BCL9: variants seen among roughly 807,000 people sequenced by gnomAD.
BCL9 encodes the protein B-cell CLL/lymphoma 9 protein.
Under a neutral mutation model 88.5 loss-of-function variants are expected in BCL9, and 25 were observed. The ratio of observed to expected loss-of-function variants is 0.28; its 90% confidence interval spans 0.21 to 0.39. The LOEUF (loss-of-function observed/expected upper bound fraction) is 0.39. Among genes scored for constraint, BCL9 ranks in the 10% least tolerant of loss-of-function variants. The pLI is 1.00. For missense variants in BCL9, 1,817 were observed against 1,877.8 expected (o/e 0.97, Z 0.60); for synonymous variants, 711 against 673.3 (o/e 1.06, Z -0.87).
In BCL9 at chr1:147,618,925, C is replaced by T. The variant is rs782199834; in HGVS notation, c.770C>T (p.Thr257Ile). 10 of 1,613,892 alleles carry T rather than the reference C, an allele frequency of 6.2e-6. No homozygotes were observed. Among genetic ancestry groups the T allele is most frequent in the Non-Finnish European group, 8.5e-6 (10 of 1,179,928 alleles). Residue 257 changes from threonine to isoleucine, a missense_variant, in exon 8 of 10, where the codon ACT (threonine) becomes ATT (isoleucine). Thr to Ile is a moderately conservative substitution (Grantham distance 89). This residue lies in a region of BCL9 where 1,228 missense variants were observed against 1,191.6 expected (regional missense o/e 1.03). Transcript: ENST00000234739. ...NSSQNTRLQP[T>I]PPIPAPAPKP... ...TCCCAGAATACCAGACTGCAGCCAA[C>T]TCCACCCATTCCGGCACCAGCACCC...
At chr1:147,552,755 C>A (rs782591305) in intron 1 of BCL9, among the ~76,000 whole-genome samples, 22 of 152,178 alleles carry the variant, frequency 1.4e-4, no homozygotes, top group Non-Finnish European at 2.9e-4. Context: ...ACCCAGAGTT[C>A]TGTTGAAGGA....
chr1:147,547,959 C>A (rs1248856480), intron 1 of BCL9, among the ~76,000 whole-genome samples: 1 of 152,138 alleles, frequency 6.6e-6, no homozygotes, highest in Non-Finnish European at 1.5e-5. Flanking sequence ...ATTCAAAATG[C>A]CTTCAGTTTA....
rs147875148 is a variant in BCL9, at chr1:147,589,237, T to G, written c.-477-15540T>G. 2.6e-4 allele frequency among the ~76,000 whole-genome samples: 40 copies of G among 152,332 alleles called. 1 individual carries two copies. The East Asian group carries it at 7.5e-3, about 29-fold the overall frequency. On this transcript the variant is annotated intron_variant, in intron 1 of 9. Coordinates refer to ENST00000234739, the MANE Select transcript of BCL9 (RefSeq NM_004326.4). ...TGCACCTCCAGCCTGTCCTCTCACC[T>G]GGCAAGACATCTCCGTTTTGGTGTT... is the stretch of plus-strand genomic sequence containing the variant.
intron 1 of BCL9, among the ~76,000 whole-genome samples, chr1:147,569,678 A>AG (rs1193227436): frequency 4.6e-5 from 7 of 150,686 alleles, no homozygotes; most frequent in Middle Eastern, 3.4e-3. Context: ...AAGAAGAAAA[A>AG]AGAAATCATT....
rs587635224 is a variant in BCL9 at position 147,621,363 on chromosome 1, A to G, written c.2902+306A>G. ...AACAAATGCAATAAAATGTCTTAAC[A>G]GTGGATGAATGTGGCTTCTTTAAAT... On this transcript the variant is annotated intron_variant, in intron 8 of 9. Coordinates refer to ENST00000234739, the MANE Select transcript of BCL9 (RefSeq NM_004326.4). 1.4e-3 allele frequency among the ~76,000 whole-genome samples: 216 copies of G among 152,346 alleles called. 2 individuals are homozygous for G. The highest frequency in any genetic ancestry group is 5.0e-3 in the African/African-American group (209 of 41,590).
At chr1:147,612,338 C>T (rs1553202725) in intron 4 of BCL9, among the ~76,000 whole-genome samples, 2 of 152,152 alleles carry the variant, frequency 1.3e-5, no homozygotes, top group Non-Finnish European at 2.9e-5. Flanking sequence ...GTCCTCACTC[C>T]CTGAGGGCAG....
At position 147,569,526 on chromosome 1, in the gene BCL9, C is replaced by T. The variant is rs117564685; in HGVS notation, c.-478+27852C>T. On this transcript the variant is annotated intron_variant, in intron 1 of 9. Transcript: ENST00000234739. ...TCAGCCAGGTGTGGTGGCATGTGCC[C>T]GTAATCCTAACTACACAGGAGGCTG... 3.0e-3 allele frequency among the ~76,000 whole-genome samples: 453 copies of T among 151,022 alleles called. 10 individuals carry two copies. In the East Asian group the frequency reaches 0.057, roughly 19 times the overall value.
chr1:147,621,153 CAG>C, intron 8 of BCL9, 96 bp downstream of exon 8: 1 of 1,297,502 alleles, frequency 7.7e-7, no homozygotes, highest in Non-Finnish European at 1.0e-6. Context: ...AGTACACAGA[CAG>C]AGGAGGCAGT....
chr1:147,553,585 G>A (rs868932801), intron 1 of BCL9, among the ~76,000 whole-genome samples: 2 of 152,182 alleles, frequency 1.3e-5, no homozygotes, highest in Non-Finnish European at 2.9e-5. Flanking sequence ...TGTGCTCAGA[G>A]ATGTTTATTG....
chr1:147,620,306 G>C lies in BCL9; in HGVS notation c.2151G>C (p.Lys717Asn). 6.2e-7 allele frequency: 1 copy of C among 1,614,186 alleles called. No homozygotes were observed. The highest frequency in any genetic ancestry group is 8.5e-7 in the Non-Finnish European group (1 of 1,180,042). Residue 717 changes from lysine to asparagine, a missense_variant, in exon 8 of 10, where the codon AAG (lysine) becomes AAC (asparagine). By Grantham distance (94) the Lys-to-Asn change is moderately conservative. Transcript: ENST00000234739. ...TTGGGATGGTTCCTAGTGGGATGAA[G>C]GGAGATGTCAATCTAAATGTCAACA... is the stretch of plus-strand genomic sequence containing the variant. ...LEFGMVPSGMKGDVNLNVNMG... is the reference protein window; with the variant it reads ...LEFGMVPSGMNGDVNLNVNMG...
intron 1 of BCL9, among the ~76,000 whole-genome samples, chr1:147,599,986 G>A (rs1208569406): frequency 6.6e-6 from 1 of 151,282 alleles, no homozygotes; most frequent in Non-Finnish European, 1.5e-5. Flanking sequence ...GGGCGGTCCC[G>A]GTTCCCCGCG....
rs1323923125 is a variant in BCL9 at position 147,625,359 on chromosome 1, T to G, written c.*400T>G. On this transcript the variant is annotated 3_prime_UTR_variant, in exon 10 of 10. Coordinates refer to ENST00000234739, the MANE Select transcript of BCL9 (RefSeq NM_004326.4). ...TTGTTTTTTTGATTTGGGCTTTATT[T>G]TTTTCTGTGTACTGTACTATATTGT... 1 of 258,702 alleles carries G rather than the reference T, an allele frequency of 3.9e-6. No homozygotes were observed. The highest frequency in any genetic ancestry group is 7.5e-6 in the Non-Finnish European group (1 of 132,626). 16.0% of individuals were successfully genotyped at this position (258,702 alleles called of 1,614,324 possible).
rs1167827926 is a variant in BCL9, at chr1:147,620,234, T to C, written c.2079T>C (p.Phe693=). 1.9e-6 allele frequency: 3 copies of C among 1,613,998 alleles called. No individual in the cohort carries two copies. The African/African-American group carries it at 4.0e-5, about 22-fold the overall frequency. ...CTCTGAGTCCTTCTAGGGGTGACTT[T>C]CCAAAAGGAATTCCCCCACAGATGG... is the stretch of plus-strand genomic sequence containing the variant. ...EGPLSPSRGD[F]PKGIPPQMGP... Residue 693 remains phenylalanine (F), a synonymous_variant, in exon 8 of 10, where the codon TTT becomes TTC. Coordinates refer to ENST00000234739, the MANE Select transcript of BCL9 (RefSeq NM_004326.4).
rs781836474 is a variant in BCL9 at position 147,619,563 on chromosome 1, A to G, written c.1408A>G (p.Ile470Val). 1 of 1,614,096 alleles carries G rather than the reference A, an allele frequency of 6.2e-7. No individual in the cohort carries two copies. Among genetic ancestry groups the G allele is most frequent in the Non-Finnish European group, 8.5e-7 (1 of 1,180,018 alleles). Reference sequence around the variant, plus strand: ...CCTTGACCATATGACTCCCGAGCAGATAGCGTGGCTGAAACTGCAGCAGGA... The same window carrying G: ...CCTTGACCATATGACTCCCGAGCAGGTAGCGTGGCTGAAACTGCAGCAGGA... ...DHLDHMTPEQ[I>V]AWLKLQQEFY... The change falls in exon 8 of 10, where the codon ATA becomes GTA. Residue 470 changes from isoleucine to valine, a missense_variant. By Grantham distance (29) the Ile-to-Val change is conservative (BLOSUM62 3). Coordinates refer to ENST00000234739, the MANE Select transcript of BCL9 (RefSeq NM_004326.4). This position sits in a 1 kb window ranked among gnomAD's most constrained non-coding sequence, Gnocchi z 4.1.
intron 1 of BCL9, among the ~76,000 whole-genome samples, chr1:147,544,553 G>A (rs1382365500): frequency 2.0e-5 from 3 of 152,184 alleles, no homozygotes; most frequent in African/African-American, 7.2e-5. Context: ...CATGTTGACC[G>A]TGGTTAGTGA....
intron 1 of BCL9, among the ~76,000 whole-genome samples, chr1:147,572,840 A>G (rs904355851): frequency 7.9e-5 from 12 of 152,210 alleles, no homozygotes; most frequent in Admixed American, 7.2e-4. Flanking sequence ...TCGGCCTCCC[A>G]GACTGCTGGG....
At chr1:147,555,282 C>G (rs955678065) in intron 1 of BCL9, among the ~76,000 whole-genome samples, 17 of 152,232 alleles carry the variant, frequency 1.1e-4, no homozygotes, top group African/African-American at 4.1e-4. Context: ...ATACTGATTT[C>G]TCCCCTGGGA....
intron 1 of BCL9, among the ~76,000 whole-genome samples, chr1:147,597,848 T>G (rs1052766435): frequency 1.3e-5 from 2 of 152,250 alleles, no homozygotes; most frequent in African/African-American, 4.8e-5. Flanking sequence ...TTAATATTCA[T>G]TTGCATTTTT....
chr1:147,612,461 A>G (rs587738034), intron 4 of BCL9, among the ~76,000 whole-genome samples: 2 of 152,160 alleles, frequency 1.3e-5, no homozygotes, highest in East Asian at 1.9e-4. Flanking sequence ...ACCAGCTTGC[A>G]TTTTCCAGCA....
Sources: allele counts gnomAD v4.1 joint callset (sites outside exome capture counted in the v4.1 genomes callset), GRCh38; gene constraint gnomAD v4.1.1; regional missense constraint gnomAD v4.1.1; non-coding constraint Gnocchi (gnomAD v3.1); transcripts MANE v1.5; gene names NCBI Gene and HGNC (gene_info 2026-07-23, HGNC 2026-07-21).